The following ANO4 variants were observed in gnomAD, a reference collection of about 807,000 sequenced individuals.
ANO4 encodes the protein anoctamin 4, also known as anoctamin-4.
Under a neutral mutation model 141.9 loss-of-function variants are expected in ANO4, and 69 were observed. The ratio of observed to expected loss-of-function variants is 0.49; its 90% confidence interval spans 0.40 to 0.59. The LOEUF (loss-of-function observed/expected upper bound fraction) is 0.59, where lower values mean the gene tolerates loss of function less well. Ranked by LOEUF, ANO4 falls within the 20% of genes least tolerant of loss-of-function variation. The probability of loss-of-function intolerance (pLI) is 0.00; values close to 1 mark genes in which losing one functional copy is unlikely to be tolerated. For synonymous variants in ANO4, 350 were observed against 394.3 expected, an observed-to-expected ratio of 0.89 and a Z score of 1.33; for missense variants, 894 against 1,162.2, an observed-to-expected ratio of 0.77 and a Z score of 3.36.
At chr12:100,744,455 G>A (rs1167786881) in intron 3 of ANO4, among the ~76,000 whole-genome samples, 1 of 152,136 alleles carries the variant, frequency 6.6e-6, no homozygotes, top group Non-Finnish European at 1.5e-5. Flanking sequence ...GATAGAATGA[G>A]AGCGAGCTGG....
At chr12:101,103,053 G>GT (rs2136975515) in intron 22 of ANO4, among the ~76,000 whole-genome samples, 1 of 150,506 alleles carries the variant, frequency 6.6e-6, no homozygotes, top group South Asian at 2.1e-4. Context: ...TTGTATGTTT[G>GT]CTTATGCAAA....
chr12:100,968,461 T>C (rs2043776009), intron 5 of ANO4, among the ~76,000 whole-genome samples: 1 of 152,198 alleles, frequency 6.6e-6, no homozygotes, highest in African/African-American at 2.4e-5. Flanking sequence ...ATTCAGTGAC[T>C]CTATCACATT....
At chr12:100,869,061 T>G (rs1290255056) in intron 1 of ANO4, among the ~76,000 whole-genome samples, 1 of 152,192 alleles carries the variant, frequency 6.6e-6, no homozygotes, top group Admixed American at 6.5e-5. Context: ...AGTCCAGGCT[T>G]TAATTGTCCA....
intron 19 of ANO4, among the ~76,000 whole-genome samples, chr12:101,097,064 A>C (rs185106944): frequency 2.1e-4 from 32 of 152,198 alleles, no homozygotes; most frequent in Non-Finnish European, 1.5e-5. Context: ...CAAAAATGGG[A>C]TACAGAGGAT....
chr12:100,878,797 C>T (rs900340957), intron 1 of ANO4, among the ~76,000 whole-genome samples: 7 of 152,180 alleles, frequency 4.6e-5, no homozygotes, highest in Non-Finnish European at 7.4e-5. Context: ...TTTCAAAAAG[C>T]GAAGAGAATT....
chr12:100,767,991 C>T (rs1405989989), intron 3 of ANO4, among the ~76,000 whole-genome samples: 4 of 152,014 alleles, frequency 2.6e-5, no homozygotes, highest in Admixed American at 2.6e-4. Context: ...CATGGGGCTT[C>T]ATCAGTCAGC....
At chr12:100,815,655 A>G (rs1221880288) in intron 1 of ANO4, among the ~76,000 whole-genome samples, 1 of 152,138 alleles carries the variant, frequency 6.6e-6, no homozygotes, top group Non-Finnish European at 1.5e-5. Context: ...GATTTTCTCT[A>G]GAATACAATT....
intron 3 of ANO4, among the ~76,000 whole-genome samples, chr12:100,752,608 A>G (rs1555213680): frequency 2.0e-5 from 3 of 151,770 alleles, no homozygotes; most frequent in Non-Finnish European, 4.4e-5. Flanking sequence ...TCTTTTTTTA[A>G]TGTGTGTGTG....
intron 3 of ANO4, among the ~76,000 whole-genome samples, chr12:100,789,118 C>T (rs1458251124): frequency 1.3e-5 from 2 of 152,070 alleles, no homozygotes; most frequent in African/African-American, 2.4e-5. Flanking sequence ...TTATTAGAGG[C>T]TCAAAAATAT....
intron 9 of ANO4, among the ~76,000 whole-genome samples, chr12:101,020,685 G>A (rs1029806790): frequency 1.3e-5 from 2 of 152,262 alleles, no homozygotes; most frequent in Middle Eastern, 3.4e-3. Context: ...CTGTAAGCAC[G>A]GAGATGAGCT....
chr12:101,105,693 C>T (rs537206882), intron 22 of ANO4, among the ~76,000 whole-genome samples: 6 of 151,946 alleles, frequency 3.9e-5, no homozygotes, highest in East Asian at 3.9e-4. Flanking sequence ...CTATGATTTA[C>T]GTATAAAAAT....
chr12:100,920,279 G>A (rs2041570704), intron 2 of ANO4, among the ~76,000 whole-genome samples: 1 of 152,106 alleles, frequency 6.6e-6, no homozygotes, highest in South Asian at 2.1e-4. Flanking sequence ...AGCATGGATT[G>A]TGATTACATA....
At chr12:101,047,075 C>A (rs1566172759) in intron 13 of ANO4, among the ~76,000 whole-genome samples, 1 of 152,196 alleles carries the variant, frequency 6.6e-6, no homozygotes, top group Non-Finnish European at 1.5e-5. Context: ...CATGGTGAAA[C>A]CCCATCTCTA....
intron 1 of ANO4, among the ~76,000 whole-genome samples, chr12:100,897,349 G>A (rs538319484): frequency 6.6e-6 from 1 of 152,326 alleles, no homozygotes; most frequent in East Asian, 1.9e-4. Flanking sequence ...GAAAGACAGT[G>A]AGGATACAAT....
chr12:100,817,821 AAAAC>A lies in ANO4; in HGVS notation c.-141+22798_-141+22801del, dbSNP rs149003976. Among the ~76,000 whole-genome samples the A allele has an allele frequency of 1.7e-3, 254 of 152,074 alleles. 2 individuals are homozygous for A. The East Asian group carries it at 0.041, about 24-fold the overall frequency. ...TTTCTTGAACAATTTATTTTAACCTAAAACAAAAATTAATTTGCTAATATTTTGG... is the reference window on the plus strand; with the variant it reads ...TTTCTTGAACAATTTATTTTAACCTAAAAAATTAATTTGCTAATATTTTGG... On this transcript the variant is annotated intron_variant, in intron 1 of 27. Coordinates refer to ENST00000392977, the MANE Select transcript of ANO4 (RefSeq NM_001286615.2).
At chr12:101,042,516 T>G in intron 12 of ANO4, 48 bp downstream of exon 12, 1 of 1,608,416 alleles carries the variant, frequency 6.2e-7, no homozygotes, top group South Asian at 1.1e-5. Flanking sequence ...TACTTAGAGG[T>G]GGCTGTTTGC....
chr12:101,069,179 G>T, intron 14 of ANO4: 2 of 1,285,368 alleles, frequency 1.6e-6, no homozygotes, highest in South Asian at 2.4e-5. Context: ...AATAAAACAT[G>T]CGAGGAACAG....
intron 3 of ANO4, chr12:100,740,123 G>C: frequency 1.4e-6 from 1 of 701,308 alleles, no homozygotes; most frequent in Non-Finnish European, 2.6e-6. Flanking sequence ...TTGGCTTCCT[G>C]TTGGAGATTC....
At chr12:100,927,732 C>A (rs183974089) in intron 3 of ANO4, among the ~76,000 whole-genome samples, 10 of 152,206 alleles carry the variant, frequency 6.6e-5, no homozygotes, top group Admixed American at 4.6e-4. Context: ...CATCCCCCTA[C>A]CATTTGTTGC....
Sources: allele counts gnomAD v4.1 joint callset (sites outside exome capture counted in the v4.1 genomes callset), GRCh38; gene constraint gnomAD v4.1.1; transcripts MANE v1.5; gene names NCBI Gene and HGNC (gene_info 2026-07-23, HGNC 2026-07-21).